The following ATG5 variants were observed in gnomAD, a reference collection of about 807,000 sequenced individuals.
ATG5 encodes the protein autophagy protein 5.
In ATG5, 14 loss-of-function variants were observed where a neutral mutation model predicts 36.5. The ratio of observed to expected loss-of-function variants is 0.38; its 90% confidence interval spans 0.25 to 0.60. The LOEUF is 0.60. Ranked by LOEUF, ATG5 falls within the 20% of genes least tolerant of loss-of-function variation. ATG5 has a pLI of 0.60. For synonymous variants in ATG5, 95 were observed against 101.5 expected, an observed-to-expected ratio of 0.94 and a Z score of 0.38; for missense variants, 195 against 326.7, an observed-to-expected ratio of 0.60 and a Z score of 3.11.
chr6:106,189,135 T>C (rs1315915565), intron 7 of ATG5, among the ~76,000 whole-genome samples: 1 of 152,212 alleles, frequency 6.6e-6, no homozygotes, highest in South Asian at 2.1e-4. Flanking sequence ...TTTGGAATGC[T>C]TTCTGATAGC....
chr6:106,186,781 A>C (rs886092534), intron 7 of ATG5, 105 bp from the exon 8 acceptor site: 2 of 1,323,470 alleles, frequency 1.5e-6, no homozygotes, highest in African/African-American at 2.9e-5. Context: ...GATTTTAAAC[A>C]TGTTTTGTCC....
At chr6:106,312,796 A>T (rs1562270668) in intron 2 of ATG5, among the ~76,000 whole-genome samples, 1 of 152,040 alleles carries the variant, frequency 6.6e-6, no homozygotes, top group Non-Finnish European at 1.5e-5. Flanking sequence ...TAACAAACAG[A>T]CTCTGAGCTT....
intron 6 of ATG5, among the ~76,000 whole-genome samples, chr6:106,238,549 T>C (rs1226675644): frequency 1.3e-5 from 2 of 152,052 alleles, no homozygotes; most frequent in Non-Finnish European, 2.9e-5. Flanking sequence ...GGGAAGGGTG[T>C]ACATGGAGAA....
chr6:106,294,829 T>G (rs1780471351), intron 3 of ATG5, among the ~76,000 whole-genome samples: 1 of 135,808 alleles, frequency 7.4e-6, no homozygotes, highest in South Asian at 2.4e-4. Context: ...GACGACAGAG[T>G]GAGACCTTTT....
At chr6:106,308,514 C>T (rs747417077) in intron 2 of ATG5, 23 bp from the exon 3 acceptor site, 29 of 1,498,920 alleles carry the variant, frequency 1.9e-5, no homozygotes, top group East Asian at 4.9e-5. Flanking sequence ...TTTGTAAAAC[C>T]GTATTTATTT....
rs567377490 is a variant in ATG5 at position 106,275,140 on chromosome 6, A to G, written c.478+4521T>C. Among the ~76,000 whole-genome samples the G allele has an allele frequency of 2.0e-5, 3 of 152,388 alleles. No individual in the cohort carries two copies. The South Asian group carries it at 6.2e-4, about 32-fold the overall frequency. On this transcript the variant is annotated intron_variant, in intron 5 of 7. Transcript: ENST00000369076. ...CTTCTTATAGAAAGTGACAACTGAG[A>G]TGAGCATTAAAGCATCAGTAGGAGT...
chr6:106,289,669 A>T (rs1016451176), intron 4 of ATG5, among the ~76,000 whole-genome samples: 1 of 61,004 alleles, frequency 1.6e-5, no homozygotes, highest in African/African-American at 6.2e-5. Flanking sequence ...TGAAACATTT[A>T]AAAAAAACAT....
Position 106,186,418 on chromosome 6 carries a change from G to T in ATG5, c.*122C>A. 2 of 1,181,926 alleles carry T rather than the reference G, an allele frequency of 1.7e-6. No individual in the cohort carries two copies. The highest frequency in any genetic ancestry group is 1.5e-5 in the African/African-American group (1 of 65,416). 73.2% of individuals were successfully genotyped at this position (1,181,926 alleles called of 1,614,324 possible). A position where few individuals can be genotyped will look rare whatever the true frequency, so the allele number is the denominator to read the frequency against. On this transcript the variant is annotated 3_prime_UTR_variant, in exon 8 of 8. Coordinates refer to ENST00000369076, the MANE Select transcript of ATG5 (RefSeq NM_004849.4). ...TGACATGGAATCTTTTTCCTGTCTG[G>T]CTTGCAGCAGCGAAGTGTTTCTGGT...
At chr6:106,240,667 A>T (rs921099325) in intron 6 of ATG5, among the ~76,000 whole-genome samples, 6 of 149,748 alleles carry the variant, frequency 4.0e-5, no homozygotes, top group Non-Finnish European at 8.9e-5. Context: ...TAAGCTGGCA[A>T]TTTTTTTTTT....
At chr6:106,306,812 TAA>T (rs1770464909) in intron 3 of ATG5, among the ~76,000 whole-genome samples, 1 of 146,114 alleles carries the variant, frequency 6.8e-6, no homozygotes, top group Admixed American at 6.6e-5. Context: ...ACACTTCCTT[TAA>T]GTCGCCTTCC....
chr6:106,309,236 C>T (rs1325575300), intron 2 of ATG5, among the ~76,000 whole-genome samples: 1 of 152,160 alleles, frequency 6.6e-6, no homozygotes, highest in Non-Finnish European at 1.5e-5. Flanking sequence ...TTTATAACCG[C>T]ATCATCTTTC....
At chr6:106,271,404 C>A (rs796093200) in intron 5 of ATG5, among the ~76,000 whole-genome samples, 1 of 152,038 alleles carries the variant, frequency 6.6e-6, no homozygotes, top group East Asian at 1.9e-4. Flanking sequence ...GAAAACAGAC[C>A]CCAGAGAAAG....
chr6:106,261,715 G>T (rs1779026546), intron 5 of ATG5, among the ~76,000 whole-genome samples: 1 of 152,224 alleles, frequency 6.6e-6, no homozygotes, highest in Non-Finnish European at 1.5e-5. Context: ...TAATTAGGGT[G>T]ATAATGGTAG....
chr6:106,281,384 T>C (rs1006388302), intron 4 of ATG5, among the ~76,000 whole-genome samples: 6 of 152,218 alleles, frequency 3.9e-5, no homozygotes, highest in Non-Finnish European at 8.8e-5. Flanking sequence ...GATAATGACA[T>C]AACACCAGAT....
At chr6:106,229,211 T>G (rs1268983341) in intron 6 of ATG5, among the ~76,000 whole-genome samples, 2 of 152,398 alleles carry the variant, frequency 1.3e-5, no homozygotes, top group South Asian at 4.1e-4. Flanking sequence ...GGAAGCTCTA[T>G]GCTGCGCCCT....
intron 6 of ATG5, among the ~76,000 whole-genome samples, chr6:106,213,142 T>G (rs1337118082): frequency 6.6e-6 from 1 of 152,192 alleles, no homozygotes; most frequent in Admixed American, 6.5e-5. Context: ...AAGGCAGGAA[T>G]AAATTTTATC....
intron 2 of ATG5, among the ~76,000 whole-genome samples, chr6:106,311,789 T>TAA (rs1770654399): frequency 6.7e-6 from 1 of 149,512 alleles, no homozygotes; most frequent in Non-Finnish European, 1.5e-5. Flanking sequence ...AAGGGAAAAC[T>TAA]AAAAGCAGGA....
At chr6:106,274,347 A>G (rs909861364) in intron 5 of ATG5, among the ~76,000 whole-genome samples, 9 of 152,188 alleles carry the variant, frequency 5.9e-5, no homozygotes, top group African/African-American at 2.2e-4. Context: ...ACTCATAAAA[A>G]AAACACTGAA....
intron 1 of ATG5, among the ~76,000 whole-genome samples, chr6:106,319,697 G>A (rs1276855825): frequency 6.6e-6 from 1 of 152,134 alleles, no homozygotes; most frequent in East Asian, 1.9e-4. Flanking sequence ...ACCCTTGTAA[G>A]TTTTTATCAA....
Sources: allele counts gnomAD v4.1 joint callset (sites outside exome capture counted in the v4.1 genomes callset), GRCh38; gene constraint gnomAD v4.1.1; transcripts MANE v1.5; gene names NCBI Gene and HGNC (gene_info 2026-07-23, HGNC 2026-07-21).